The following PELI2 variants were observed in gnomAD, a reference collection of about 807,000 sequenced individuals.
The protein encoded by PELI2 is pellino E3 ubiquitin protein ligase family member 2, also known as E3 ubiquitin-protein ligase pellino homolog 2.
Under a neutral mutation model 42.3 loss-of-function variants are expected in PELI2, and 23 were observed. The ratio of observed to expected loss-of-function variants is 0.54; its 90% CI spans 0.39 to 0.77. PELI2 has a LOEUF of 0.77. PELI2 is among the 30% of genes least tolerant of loss of function. The pLI, the probability that PELI2 is intolerant of heterozygous loss-of-function variation, is 0.00. For missense variants in PELI2, 463 were observed against 553.2 expected, an observed-to-expected ratio of 0.84 and a Z score of 1.64; for synonymous variants, 245 against 212.2, an observed-to-expected ratio of 1.15 and a Z score of -1.34.
At chr14:56,174,641 C>T (rs542457834) in intron 1 of PELI2, among the ~76,000 whole-genome samples, 1 of 152,254 alleles carries the variant, frequency 6.6e-6, no homozygotes, top group South Asian at 2.1e-4. Flanking sequence ...GTCACTTTCC[C>T]CTTCTCGAGC....
At chr14:56,284,017 A>G (rs772703698) in intron 3 of PELI2, among the ~76,000 whole-genome samples, 1 of 152,334 alleles carries the variant, frequency 6.6e-6, no homozygotes. Flanking sequence ...TATGGACCTC[A>G]GTGTGGAGAG....
intron 5 of PELI2, among the ~76,000 whole-genome samples, chr14:56,296,034 CCTT>C (rs1364455931): frequency 2.0e-5 from 3 of 152,234 alleles, no homozygotes; most frequent in Admixed American, 6.5e-5. Flanking sequence ...GCACAGGCCT[CCTT>C]CTAAAAATGA....
chr14:56,221,889 C>T (rs1887145840), intron 2 of PELI2, among the ~76,000 whole-genome samples: 2 of 152,130 alleles, frequency 1.3e-5, no homozygotes, highest in South Asian at 2.1e-4. Flanking sequence ...GCTTAGCATA[C>T]GTATCCTGAT....
intron 2 of PELI2, among the ~76,000 whole-genome samples, chr14:56,217,007 T>A (rs1229691177): frequency 6.6e-6 from 1 of 152,242 alleles, no homozygotes; most frequent in Non-Finnish European, 1.5e-5. Flanking sequence ...GAAGTTATTT[T>A]TTTTTAAACA....
intron 2 of PELI2, among the ~76,000 whole-genome samples, chr14:56,266,053 T>C (rs1888891780): frequency 6.6e-6 from 1 of 152,066 alleles, no homozygotes; most frequent in Admixed American, 6.5e-5. Flanking sequence ...AGCAGTGAAC[T>C]GTTGATACAT....
intron 1 of PELI2, among the ~76,000 whole-genome samples, chr14:56,172,097 T>C (rs1025835610): frequency 5.3e-5 from 8 of 152,192 alleles, no homozygotes; most frequent in African/African-American, 1.9e-4. Context: ...CAGGAATCTA[T>C]TACTGTGTAA....
chr14:56,268,476 TTCTC>T (rs1403022415), intron 2 of PELI2, among the ~76,000 whole-genome samples: 9 of 152,182 alleles, frequency 5.9e-5, no homozygotes, highest in South Asian at 2.1e-4. Context: ...CGGTTAGATT[TTCTC>T]TCTCTCTTAG....
chr14:56,168,243 C>T (rs1319813414), intron 1 of PELI2, among the ~76,000 whole-genome samples: 1 of 147,832 alleles, frequency 6.8e-6, no homozygotes, highest in Non-Finnish European at 1.5e-5. Flanking sequence ...CAGGCTGTGT[C>T]CTTCCCTTCT....
At chr14:56,268,639 C>T (rs879542341) in intron 2 of PELI2, among the ~76,000 whole-genome samples, 1 of 152,180 alleles carries the variant, frequency 6.6e-6, no homozygotes, top group Non-Finnish European at 1.5e-5. Context: ...AAATGCAATG[C>T]TGTTTTAAAG....
At chr14:56,138,787 T>C (rs770050178) in intron 1 of PELI2, among the ~76,000 whole-genome samples, 41 of 152,338 alleles carry the variant, frequency 2.7e-4, no homozygotes, top group South Asian at 8.3e-4. Flanking sequence ...TCTAGTAATG[T>C]CTGTCATTCA....
At chr14:56,170,280 T>C (rs1275956817) in intron 1 of PELI2, among the ~76,000 whole-genome samples, 2 of 152,190 alleles carry the variant, frequency 1.3e-5, no homozygotes, top group Non-Finnish European at 2.9e-5. Flanking sequence ...TTCCATTCCA[T>C]GTGGATGTCG....
chr14:56,216,810 C>G (rs1295554207), intron 2 of PELI2, among the ~76,000 whole-genome samples: 2 of 152,218 alleles, frequency 1.3e-5, no homozygotes, highest in Non-Finnish European at 2.9e-5. Flanking sequence ...TTTACTTACC[C>G]CGCAGACAGT....
chr14:56,275,552 G>A (rs1033761958), intron 2 of PELI2, among the ~76,000 whole-genome samples: 9 of 152,138 alleles, frequency 5.9e-5, no homozygotes, highest in African/African-American at 1.9e-4. Context: ...CATAAGGAGC[G>A]CACAGTCTAG....
intron 2 of PELI2, among the ~76,000 whole-genome samples, chr14:56,258,080 G>GT (rs1379170906): frequency 5.9e-5 from 9 of 152,204 alleles, no homozygotes; most frequent in Non-Finnish European, 1.2e-4. Context: ...GTTCCCACCT[G>GT]TAGAGTGAAA....
At chr14:56,221,564 G>A (rs1250063712) in intron 2 of PELI2, among the ~76,000 whole-genome samples, 1 of 152,192 alleles carries the variant, frequency 6.6e-6, no homozygotes, top group East Asian at 1.9e-4. Flanking sequence ...TGACTGCCAA[G>A]GTAACTAGAC....
chr14:56,250,453 G>A (rs1311257071), intron 2 of PELI2, among the ~76,000 whole-genome samples: 1 of 152,148 alleles, frequency 6.6e-6, no homozygotes, highest in African/African-American at 2.4e-5. Flanking sequence ...AAGCTGAGGA[G>A]CAAGGAAGCC....
At chr14:56,128,962 G>GTTA (rs1883381895) in intron 1 of PELI2, among the ~76,000 whole-genome samples, 1 of 152,076 alleles carries the variant, frequency 6.6e-6, no homozygotes, top group Non-Finnish European at 1.5e-5. Context: ...TTAGCTAAGG[G>GTTA]TTAGCAAGGG....
At chr14:56,154,193 G>A (rs369578393) in intron 1 of PELI2, among the ~76,000 whole-genome samples, 2 of 152,236 alleles carry the variant, frequency 1.3e-5, no homozygotes, top group African/African-American at 4.8e-5. Context: ...GATGCTATAT[G>A]TACATTTGTA....
chr14:56,292,500 C>T (rs1237677854), intron 5 of PELI2, among the ~76,000 whole-genome samples: 1 of 152,212 alleles, frequency 6.6e-6, no homozygotes, highest in Non-Finnish European at 1.5e-5. Context: ...ATTTTGGAGA[C>T]AGTCTCTGGC....
Sources: allele counts gnomAD v4.1 joint callset (sites outside exome capture counted in the v4.1 genomes callset), GRCh38; gene constraint gnomAD v4.1.1; transcripts MANE v1.5; gene names NCBI Gene and HGNC (gene_info 2026-07-23, HGNC 2026-07-21).